NPSR1: variants seen among roughly 807,000 people sequenced by gnomAD.
NPSR1 encodes neuropeptide S receptor 1.
A neutral mutation model predicts 46.9 loss-of-function variants in NPSR1; 48 were observed. That is an observed-to-expected ratio of 1.02 (90% CI 0.81 to 1.30). NPSR1 has a LOEUF of 1.30. Ranked by LOEUF, NPSR1 falls within the 50% of genes most tolerant of loss-of-function variation. The pLI is 0.00. For missense variants in NPSR1, 450 were observed against 449.5 expected (o/e 1.00, Z -0.01); for synonymous variants, 176 against 168.1 (o/e 1.05, Z -0.36).
intron 2 of NPSR1, among the ~76,000 whole-genome samples, chr7:34,710,552 G>A (rs1783227973): frequency 6.6e-6 from 1 of 152,136 alleles, no homozygotes; most frequent in Non-Finnish European, 1.5e-5. Flanking sequence ...CACAGAGATA[G>A]GTGGGGAAGC....
intron 2 of NPSR1, among the ~76,000 whole-genome samples, chr7:34,736,415 T>C (rs1784665338): frequency 6.6e-6 from 1 of 152,132 alleles, no homozygotes; most frequent in African/African-American, 2.4e-5. Context: ...TAAGTCTCTT[T>C]TGCACATCCT....
intron 3 of NPSR1, chr7:34,779,751 C>T (rs1787149141): frequency 3.1e-6 from 1 of 323,394 alleles, no homozygotes; most frequent in Non-Finnish European, 5.7e-6. Context: ...TAAATGCTTT[C>T]AATTGCTTAT....
chr7:34,861,569 A>T (rs572881640), intron 8 of NPSR1, among the ~76,000 whole-genome samples: 19 of 151,804 alleles, frequency 1.3e-4, no homozygotes, highest in Non-Finnish European at 2.8e-4. Flanking sequence ...TGAGACAAAG[A>T]TCTTTGTTTT....
chr7:34,875,485 C>G (rs1584166316), intron 8 of NPSR1, among the ~76,000 whole-genome samples: 1 of 152,196 alleles, frequency 6.6e-6, no homozygotes, highest in Non-Finnish European at 1.5e-5. Context: ...GCTGCAAATT[C>G]AGGCAGATCA....
intron 4 of NPSR1, among the ~76,000 whole-genome samples, chr7:34,820,224 A>G (rs948655213): frequency 8.5e-5 from 13 of 152,360 alleles, no homozygotes; most frequent in African/African-American, 2.9e-4. Flanking sequence ...GAATGTATAC[A>G]TATCTCCAGA....
At chr7:34,762,719 A>G (rs1786235174) in intron 2 of NPSR1, among the ~76,000 whole-genome samples, 1 of 152,214 alleles carries the variant, frequency 6.6e-6, no homozygotes, top group African/African-American at 2.4e-5. Flanking sequence ...ATTGTTACCC[A>G]CAGTGTCCCT....
At chr7:34,696,104 G>T (rs566584182) in intron 2 of NPSR1, among the ~76,000 whole-genome samples, 5 of 148,394 alleles carry the variant, frequency 3.4e-5, no homozygotes, top group Admixed American at 6.7e-5. Flanking sequence ...AAAAACTGCG[G>T]TATATATACA....
intron 3 of NPSR1, among the ~76,000 whole-genome samples, chr7:34,801,697 T>G (rs921739841): frequency 1.4e-5 from 2 of 147,018 alleles, no homozygotes; most frequent in Non-Finnish European, 2.9e-5. Flanking sequence ...CTATTCAACA[T>G]AGTGTTGGAA....
chr7:34,805,735 G>C (rs779237756), intron 3 of NPSR1, among the ~76,000 whole-genome samples: 2 of 151,900 alleles, frequency 1.3e-5, no homozygotes, highest in Non-Finnish European at 2.9e-5. Flanking sequence ...CACTGTTTAA[G>C]AGAATGAAAA....
intron 6 of NPSR1, among the ~76,000 whole-genome samples, chr7:34,840,003 C>T (rs190160972): frequency 1.2e-4 from 19 of 152,242 alleles, no homozygotes; most frequent in African/African-American, 4.3e-4. Flanking sequence ...TCTGTCTTTG[C>T]ATAATTATTT....
intron 4 of NPSR1, among the ~76,000 whole-genome samples, chr7:34,821,400 A>C (rs1789555470): frequency 6.6e-6 from 1 of 152,200 alleles, no homozygotes; most frequent in Non-Finnish European, 1.5e-5. Flanking sequence ...TGCTGGGATT[A>C]TAGGCATGAG....
At chr7:34,692,595 G>A (rs1203643746) in intron 2 of NPSR1, among the ~76,000 whole-genome samples, 1 of 152,050 alleles carries the variant, frequency 6.6e-6, no homozygotes, top group Non-Finnish European at 1.5e-5. Flanking sequence ...TACACTAAAA[G>A]ATAGAAAGAT....
At chr7:34,676,012 GCA>G (rs1268591395) in intron 1 of NPSR1, among the ~76,000 whole-genome samples, 1 of 152,176 alleles carries the variant, frequency 6.6e-6, no homozygotes, top group Admixed American at 6.5e-5. Context: ...GACACCATCA[GCA>G]CAGTGTGGTG....
At chr7:34,684,718 A>C (rs753101691) in intron 2 of NPSR1, 34 bp downstream of exon 2, 2 of 1,567,236 alleles carry the variant, frequency 1.3e-6, no homozygotes, top group East Asian at 4.6e-5. Context: ...GCAGGAAGCT[A>C]TATGTGAAGT....
At chr7:34,663,081 G>GTGTGTGTGTGTT (rs1554301939) in intron 1 of NPSR1, among the ~76,000 whole-genome samples, 1 of 76,298 alleles carries the variant, frequency 1.3e-5, no homozygotes, top group African/African-American at 7.0e-5. Context: ...GTGTGTGTGT[G>GTGTGTGTGTGTT]TATGTGTGTG....
At chr7:34,848,189 C>T (rs1467488681) in intron 7 of NPSR1, among the ~76,000 whole-genome samples, 1 of 152,190 alleles carries the variant, frequency 6.6e-6, no homozygotes, top group East Asian at 1.9e-4. Context: ...TCACTTGTTC[C>T]TGGGGTTTCT....
chr7:34,711,101 C>A, intron 2 of NPSR1: 1 of 305,552 alleles, frequency 3.3e-6, no homozygotes, highest in South Asian at 3.8e-5. Flanking sequence ...TCGCCTTTGT[C>A]AGATCTTCAA....
intron 2 of NPSR1, among the ~76,000 whole-genome samples, chr7:34,734,020 T>A (rs1354590770): frequency 6.6e-6 from 1 of 152,164 alleles, no homozygotes; most frequent in Admixed American, 6.5e-5. Context: ...CAGAATCAGA[T>A]TGGTGTTTTA....
At chr7:34,758,742 T>C (rs1309288405) in intron 2 of NPSR1, among the ~76,000 whole-genome samples, 1 of 152,214 alleles carries the variant, frequency 6.6e-6, no homozygotes, top group East Asian at 1.9e-4. Flanking sequence ...TACCTACCTA[T>C]CTACCTATCC....
Sources: gnomAD v4.1 joint callset for allele counts (sites outside exome capture counted in the v4.1 genomes callset) on GRCh38, gnomAD v4.1.1 for gene constraint, MANE v1.5 for transcripts, NCBI Gene and HGNC (gene_info 2026-07-23, HGNC 2026-07-21) for gene names.